KLHL13: variants seen among roughly 807,000 people sequenced by gnomAD.
KLHL13 encodes kelch-like protein 13.
Under a neutral mutation model 37.1 loss-of-function variants are expected in KLHL13, and 10 were observed. The observed-to-expected ratio is 0.27, with a 90% CI of 0.17 to 0.46. The LOEUF is 0.46. KLHL13 is among the 20% of genes least tolerant of loss of function. The pLI is 1.00. For missense variants in KLHL13, 360 were observed against 509.3 expected, an observed-to-expected ratio of 0.71 and a Z score of 2.82; for synonymous variants, 163 against 181.2, an observed-to-expected ratio of 0.90 and a Z score of 0.81.
rs985933932 is a variant in KLHL13, at chrX:118,116,517, C to T, written c.-65G>A. On this transcript the variant is annotated 5_prime_UTR_variant, in exon 1 of 7. Transcript: ENST00000371882. ...CAGGACCCTGCCTCACCTTGCTCGCCGCGTCCTGGCGTCCCGCCGCTTGTC... is the reference window on the plus strand; with the variant it reads ...CAGGACCCTGCCTCACCTTGCTCGCTGCGTCCTGGCGTCCCGCCGCTTGTC... 3 of 112,679 alleles carry T rather than the reference C, an allele frequency of 2.7e-5. No homozygotes were observed. In the East Asian group the frequency reaches 8.6e-4, roughly 32 times the overall value. The allele number at this position is 112,679 out of a possible 1,213,427, so 9.3% of individuals were successfully genotyped here. A position where few individuals can be genotyped will look rare whatever the true frequency, so the allele number is the denominator to read the frequency against.
chrX:118,095,939 G>A (rs2055200518), intron 1 of KLHL13, among the ~76,000 whole-genome samples: 1 of 111,861 alleles, frequency 8.9e-6, no homozygotes, highest in African/African-American at 3.2e-5. Flanking sequence ...GTGTGTAGAG[G>A]GAAATTTATA....
intron 1 of KLHL13, among the ~76,000 whole-genome samples, chrX:118,058,698 T>C (rs776628870): frequency 1.8e-5 from 2 of 111,970 alleles, no homozygotes; most frequent in African/African-American, 6.5e-5. Flanking sequence ...CCAATAATAA[T>C]CAATTGCAAA....
At chrX:117,918,775 A>G (rs774099970) in intron 4 of KLHL13, among the ~76,000 whole-genome samples, 3 of 111,750 alleles carry the variant, frequency 2.7e-5, no homozygotes, top group African/African-American at 9.7e-5. Flanking sequence ...TGGAATCAAG[A>G]CTTACATTCT....
At chrX:117,994,504 G>A (rs754528467) in intron 1 of KLHL13, among the ~76,000 whole-genome samples, 2 of 110,789 alleles carry the variant, frequency 1.8e-5, no homozygotes, top group Admixed American at 9.6e-5. Flanking sequence ...CTCCATCCTC[G>A]GTTTCCCAAA....
intron 1 of KLHL13, among the ~76,000 whole-genome samples, chrX:118,099,169 A>C: frequency 9.0e-6 from 1 of 111,523 alleles, no homozygotes; most frequent in African/African-American, 3.2e-5. Context: ...AGAAGGGTAC[A>C]TAAGGTTAAC....
At chrX:117,901,915 A>G (rs1372357517) in exon 6 of KLHL13, 1 of 1,182,686 alleles carries the variant, frequency 8.5e-7, no homozygotes, top group Non-Finnish European at 1.1e-6. Flanking sequence ...AGGTCCATTC[A>G]TTTGTTCTTG....
At chrX:118,016,128 G>A (rs199825145) in intron 1 of KLHL13, among the ~76,000 whole-genome samples, 18 of 111,715 alleles carry the variant, frequency 1.6e-4, no homozygotes, top group East Asian at 2.8e-4. Context: ...TATGTGCTTC[G>A]TCTTAAAAAT....
intron 1 of KLHL13, among the ~76,000 whole-genome samples, chrX:117,952,642 T>C (rs1158684718): frequency 1.8e-5 from 2 of 109,454 alleles, no homozygotes; most frequent in African/African-American, 3.4e-5. Flanking sequence ...AGAAAATTTT[T>C]GCAACCTACT....
At chrX:118,000,882 C>T (rs772449032) in intron 1 of KLHL13, among the ~76,000 whole-genome samples, 2 of 111,835 alleles carry the variant, frequency 1.8e-5, no homozygotes, top group African/African-American at 6.5e-5. Flanking sequence ...ATAGGATATA[C>T]AGACTGCTAC....
chrX:117,898,662 C>CT (rs975433802), exon 7 of KLHL13: 174 of 330,704 alleles, frequency 5.3e-4, no homozygotes, highest in Middle Eastern at 1.6e-3. Flanking sequence ...ATAGACAATA[C>CT]TTTTTTTTTC....
At chrX:118,033,606 G>C (rs2054390850) in intron 1 of KLHL13, among the ~76,000 whole-genome samples, 1 of 109,970 alleles carries the variant, frequency 9.1e-6, no homozygotes, top group Admixed American at 9.7e-5. Context: ...AACATGGAAA[G>C]GAACAACCGG....
At chrX:117,964,138 C>T (rs1461585668) in intron 1 of KLHL13, among the ~76,000 whole-genome samples, 4 of 102,214 alleles carry the variant, frequency 3.9e-5, no homozygotes, top group Non-Finnish European at 6.0e-5. Context: ...CACATGTATA[C>T]ATATGTAACT....
chrX:118,008,206 T>C (rs1257568153), intron 1 of KLHL13, among the ~76,000 whole-genome samples: 2 of 111,830 alleles, frequency 1.8e-5, no homozygotes, highest in African/African-American at 6.5e-5. Context: ...GCTCACCTTG[T>C]AACTGTGTTT....
intron 1 of KLHL13, among the ~76,000 whole-genome samples, chrX:117,981,246 C>A (rs752087589): frequency 2.5e-4 from 28 of 112,318 alleles, no homozygotes; most frequent in African/African-American, 9.0e-4. Flanking sequence ...AAAATAATCA[C>A]AGCTTGTTTT....
At chrX:117,911,516 A>G (rs757938258) in intron 4 of KLHL13, among the ~76,000 whole-genome samples, 26 of 109,826 alleles carry the variant, frequency 2.4e-4, no homozygotes, top group African/African-American at 8.7e-4. Context: ...CGTCATCTAC[A>G]TTAGGTATTT....
At chrX:118,070,205 G>A (rs770235096) in intron 1 of KLHL13, among the ~76,000 whole-genome samples, 30 of 112,088 alleles carry the variant, frequency 2.7e-4, no homozygotes, top group Non-Finnish European at 5.3e-4. Context: ...TTCTCAGAAT[G>A]TATACCTGTC....
chrX:118,008,063 A>G (rs1323957899), intron 1 of KLHL13, among the ~76,000 whole-genome samples: 1 of 111,715 alleles, frequency 9.0e-6, no homozygotes, highest in Non-Finnish European at 1.9e-5. Flanking sequence ...TTGGCTATAT[A>G]TTTTTAGAAG....
intron 1 of KLHL13, among the ~76,000 whole-genome samples, chrX:118,067,330 G>C (rs1193954489): frequency 1.8e-5 from 2 of 111,715 alleles, no homozygotes; most frequent in Non-Finnish European, 3.8e-5. Flanking sequence ...AGGACTGGAA[G>C]TTGGTTGCTC....
At chrX:117,949,988 ATT>A (rs1401931354) in intron 1 of KLHL13, among the ~76,000 whole-genome samples, 1 of 112,459 alleles carries the variant, frequency 8.9e-6, no homozygotes, top group African/African-American at 3.2e-5. Context: ...ACTGTTTGTA[ATT>A]TCTGAAGGGA....
Sources: gnomAD v4.1 joint callset for allele counts (sites outside exome capture counted in the v4.1 genomes callset) on GRCh38, gnomAD v4.1.1 for gene constraint, MANE v1.5 for transcripts, NCBI Gene and HGNC (gene_info 2026-07-23, HGNC 2026-07-21) for gene names.